GPR158: variants seen among roughly 807,000 people sequenced by gnomAD.
GPR158 encodes the protein metabotropic glycine receptor.
In GPR158, 30 loss-of-function variants were observed where a neutral mutation model predicts 78.2. That is an observed-to-expected ratio of 0.38 (90% CI 0.29 to 0.52). The LOEUF (loss-of-function observed/expected upper bound fraction) is 0.52. GPR158 is among the 20% of genes least tolerant of loss of function. The pLI is 0.83. For synonymous variants in GPR158, 581 were observed against 591.1 expected, an observed-to-expected ratio of 0.98 and a Z score of 0.25; for missense variants, 1,463 against 1,523.5, an observed-to-expected ratio of 0.96 and a Z score of 0.66.
In GPR158 at chr10:25,421,322, A is replaced by G. The variant is rs149262305; in HGVS notation, c.1335+8849A>G. ...ATCAAGTCTATGATTTTTCTTTTGT[A>G]CTTAGCAATTGATGTTCCTCCTTCG... On this transcript the variant is annotated intron_variant, in intron 4 of 10. Transcript: ENST00000376351. Among the ~76,000 whole-genome samples, 141 of 152,274 alleles carry G rather than the reference A, an allele frequency of 9.3e-4. 1 individual carries two copies. The East Asian group carries it at 0.019, about 21-fold the overall frequency.
At chr10:25,573,165 G>C (rs971203490) in intron 7 of GPR158, among the ~76,000 whole-genome samples, 1 of 152,096 alleles carries the variant, frequency 6.6e-6, no homozygotes, top group Admixed American at 6.5e-5. Flanking sequence ...TGTGTATAAA[G>C]AGCTTACTTT....
intron 2 of GPR158, among the ~76,000 whole-genome samples, chr10:25,293,143 G>A (rs921548407): frequency 1.3e-5 from 2 of 152,178 alleles, no homozygotes; most frequent in African/African-American, 4.8e-5. Flanking sequence ...TGGATTAATT[G>A]CAAAAGTTAC....
At chr10:25,325,353 C>T (rs2130484251) in intron 2 of GPR158, among the ~76,000 whole-genome samples, 1 of 152,244 alleles carries the variant, frequency 6.6e-6, no homozygotes, top group African/African-American at 2.4e-5. Flanking sequence ...CAGGTCCATT[C>T]ATATTCTTGT....
Position 25,316,933 on chromosome 10 carries a change from GTA to G in GPR158, c.1009-78963_1009-78962del, listed in dbSNP as rs35117291. Reference sequence around the variant, plus strand: ...TGTTTATGTGTGTGTGTATGTGTGTGTATATATATATATATACACTCTTCCAC... The same window carrying G: ...TGTTTATGTGTGTGTGTATGTGTGTGTATATATATATATACACTCTTCCAC... On this transcript the variant is annotated intron_variant, in intron 2 of 10. Coordinates refer to ENST00000376351, the MANE Select transcript of GPR158 (RefSeq NM_020752.3). 1.1e-3 allele frequency among the ~76,000 whole-genome samples: 167 copies of G among 148,832 alleles called. 1 individual carries two copies. Among genetic ancestry groups the G allele is most frequent in the African/African-American group, 2.8e-3 (114 of 40,698 alleles).
intron 5 of GPR158, among the ~76,000 whole-genome samples, chr10:25,489,561 T>C (rs1355508117): frequency 6.6e-6 from 1 of 152,136 alleles, no homozygotes; most frequent in Non-Finnish European, 1.5e-5. Context: ...AGAATGCCTC[T>C]TCAAATAATT....
At position 25,323,683 on chromosome 10, in the gene GPR158, C is replaced by CTT. The variant is rs75076220; in HGVS notation, c.1009-72214_1009-72213dup. On this transcript the variant is annotated intron_variant, in intron 2 of 10. Coordinates refer to ENST00000376351, the MANE Select transcript of GPR158 (RefSeq NM_020752.3). ...TGTGCACCACTGTGCCCAGCTATTA[C>CTT]TTTTTTTTTTTTTTTATAGAGACAG... Among the ~76,000 whole-genome samples, 1,696 of 142,714 alleles carry CTT rather than the reference C, an allele frequency of 0.012. 101 individuals carry two copies. The East Asian group carries it at 0.2, about 17-fold the overall frequency. 93.6% of individuals were successfully genotyped at this position (142,714 alleles called of 152,430 possible).
At chr10:25,179,001 T>C (rs1255515893) in intron 1 of GPR158, among the ~76,000 whole-genome samples, 1 of 152,220 alleles carries the variant, frequency 6.6e-6, no homozygotes, top group East Asian at 1.9e-4. Flanking sequence ...TACTTTATTC[T>C]CTATCATTAC....
chr10:25,189,097 C>T (rs898278356), intron 1 of GPR158, among the ~76,000 whole-genome samples: 8 of 152,148 alleles, frequency 5.3e-5, no homozygotes, highest in Non-Finnish European at 2.9e-5. Flanking sequence ...CCATCTCACA[C>T]CAGTTAGAAT....
chr10:25,220,948 T>A, intron 1 of GPR158, 104 bp from the exon 2 acceptor site: 1 of 690,122 alleles, frequency 1.4e-6, no homozygotes, highest in Non-Finnish European at 2.4e-6. Flanking sequence ...ATTTGACAAT[T>A]TTTGGCATGT....
At chr10:25,452,675 GACTT>G (rs1425432736) in intron 4 of GPR158, among the ~76,000 whole-genome samples, 3 of 152,136 alleles carry the variant, frequency 2.0e-5, no homozygotes, top group Non-Finnish European at 4.4e-5. Flanking sequence ...TGGTTGGATG[GACTT>G]ACTATTTTAA....
At chr10:25,390,945 T>C (rs1481504166) in intron 2 of GPR158, among the ~76,000 whole-genome samples, 1 of 152,174 alleles carries the variant, frequency 6.6e-6, no homozygotes, top group Non-Finnish European at 1.5e-5. Context: ...CCCTGCTTTG[T>C]GCAGTCTTAG....
intron 4 of GPR158, among the ~76,000 whole-genome samples, chr10:25,462,499 G>A (rs539106081): frequency 3.3e-4 from 51 of 152,282 alleles, no homozygotes; most frequent in African/African-American, 8.4e-4. Context: ...TTTGTAAGGC[G>A]ATCGTTGCCA....
intron 2 of GPR158, among the ~76,000 whole-genome samples, chr10:25,268,895 T>A (rs1046858340): frequency 4.6e-5 from 7 of 152,220 alleles, no homozygotes; most frequent in African/African-American, 1.7e-4. Context: ...TTCATGGTGT[T>A]GCTTATATCC....
chr10:25,441,515 G>A (rs1835067589), intron 4 of GPR158, among the ~76,000 whole-genome samples: 1 of 152,096 alleles, frequency 6.6e-6, no homozygotes. Flanking sequence ...GCTTGGGTTG[G>A]GTGGCTGTCA....
intron 2 of GPR158, among the ~76,000 whole-genome samples, chr10:25,354,748 A>T (rs1366147151): frequency 2.0e-5 from 3 of 152,052 alleles, no homozygotes; most frequent in Non-Finnish European, 2.9e-5. Context: ...GACAGTTCTC[A>T]TGGTGGTGAA....
intron 5 of GPR158, among the ~76,000 whole-genome samples, chr10:25,544,789 A>G (rs1438731761): frequency 1.3e-5 from 2 of 152,178 alleles, no homozygotes; most frequent in Non-Finnish European, 2.9e-5. Context: ...TACACGTGCC[A>G]TGGTGGTTTG....
At chr10:25,422,373 C>G (rs73608292) in intron 4 of GPR158, among the ~76,000 whole-genome samples, 1,695 of 152,178 alleles carry the variant, frequency 0.011, 31 homozygotes, top group African/African-American at 0.039. Context: ...GGCACAAACC[C>G]TATTGTGAAC....
At chr10:25,258,551 T>A (rs891902129) in intron 2 of GPR158, among the ~76,000 whole-genome samples, 1 of 152,180 alleles carries the variant, frequency 6.6e-6, no homozygotes, top group Non-Finnish European at 1.5e-5. Flanking sequence ...TTCTATGAGT[T>A]TTAAAATTTT....
chr10:25,258,913 C>T (rs1401187205), intron 2 of GPR158, among the ~76,000 whole-genome samples: 2 of 151,874 alleles, frequency 1.3e-5, no homozygotes, highest in African/African-American at 2.4e-5. Flanking sequence ...TATTATATAC[C>T]GTATGCATAT....
Sources: allele counts gnomAD v4.1 joint callset (sites outside exome capture counted in the v4.1 genomes callset), GRCh38; gene constraint gnomAD v4.1.1; transcripts MANE v1.5; gene names NCBI Gene and HGNC (gene_info 2026-07-23, HGNC 2026-07-21).